FGF14: variants seen among roughly 807,000 people sequenced by gnomAD.
FGF14 encodes the protein fibroblast growth factor 14, also known as fibroblast growth factor homologous factor 4.
A neutral mutation model predicts 25.5 loss-of-function variants in FGF14; 5 were observed. The ratio of observed to expected loss-of-function variants is 0.20; its 90% CI spans 0.10 to 0.41. The LOEUF (loss-of-function observed/expected upper bound fraction) is 0.41, where lower values mean the gene tolerates loss of function less well. FGF14 is among the 10% of genes least tolerant of loss of function. The pLI is 1.00. For synonymous variants in FGF14, 138 were observed against 118.3 expected (o/e 1.17, Z -1.08); for missense variants, 222 against 320.1 (o/e 0.69, Z 2.34).
intron 3 of FGF14, among the ~76,000 whole-genome samples, chr13:101,776,950 G>A (rs146205878): frequency 2.6e-5 from 4 of 152,084 alleles, no homozygotes; most frequent in Non-Finnish European, 5.9e-5. Context: ...TGTCTCTCAG[G>A]CCTTTTTTAA....
chr13:101,749,650 TA>T (rs1041319554), intron 3 of FGF14, among the ~76,000 whole-genome samples: 2 of 152,166 alleles, frequency 1.3e-5, no homozygotes, highest in African/African-American at 4.8e-5. Flanking sequence ...TTTGTCTATA[TA>T]AATCTATATA....
chr13:101,826,829 A>C (rs539185664), intron 3 of FGF14, among the ~76,000 whole-genome samples: 1 of 152,088 alleles, frequency 6.6e-6, no homozygotes, highest in South Asian at 2.1e-4. Flanking sequence ...ATGTATTGAG[A>C]ATTGAATTGA....
chr13:101,925,013 C>A (rs906864179), intron 1 of FGF14, among the ~76,000 whole-genome samples: 1 of 152,076 alleles, frequency 6.6e-6, no homozygotes, highest in Admixed American at 6.5e-5. Context: ...CCAGGGTTCA[C>A]AATTTTTATT....
rs144789402 is a variant in FGF14, at chr13:101,933,688, C to T, written c.209-58392G>A. Reference sequence around the variant, plus strand: ...GCAGTCAGCCAAGATCGCACCACTGCGATCCAGCCTGGACAACAGAGTGAG... The same window carrying T: ...GCAGTCAGCCAAGATCGCACCACTGTGATCCAGCCTGGACAACAGAGTGAG... On this transcript the variant is annotated intron_variant, in intron 1 of 4. Transcript: ENST00000376131. Among the ~76,000 whole-genome samples, 51 of 152,258 alleles carry T rather than the reference C, an allele frequency of 3.3e-4. No homozygotes were observed. In the East Asian group the frequency reaches 9.5e-3, roughly 28 times the overall value.
At chr13:102,259,324 C>T (rs1192874316) in intron 1 of FGF14, among the ~76,000 whole-genome samples, 9 of 152,162 alleles carry the variant, frequency 5.9e-5, no homozygotes, top group Non-Finnish European at 1.3e-4. Flanking sequence ...GTGAGCACAT[C>T]CCCACCCCCT....
chr13:102,140,584 G>C (rs1208418754), intron 1 of FGF14, among the ~76,000 whole-genome samples: 1 of 152,092 alleles, frequency 6.6e-6, no homozygotes, highest in Non-Finnish European at 1.5e-5. Flanking sequence ...TGCTGATAAG[G>C]GGAGTGAGAA....
At chr13:101,926,778 AT>A (rs1300324818) in intron 1 of FGF14, among the ~76,000 whole-genome samples, 1 of 152,110 alleles carries the variant, frequency 6.6e-6, no homozygotes, top group Non-Finnish European at 1.5e-5. Context: ...TTCCACTTTC[AT>A]TTTTATATAG....
intron 1 of FGF14, among the ~76,000 whole-genome samples, chr13:102,236,350 G>A (rs756038485): frequency 2.0e-5 from 3 of 152,140 alleles, no homozygotes; most frequent in Non-Finnish European, 4.4e-5. Flanking sequence ...ATTAAGAATG[G>A]CCTAAAATTA....
chr13:102,077,380 A>G (rs954570316), intron 1 of FGF14, among the ~76,000 whole-genome samples: 1 of 152,180 alleles, frequency 6.6e-6, no homozygotes, highest in Non-Finnish European at 1.5e-5. Flanking sequence ...GGGAGAAGAT[A>G]TATGTAAATG....
At chr13:102,048,602 A>T (rs1220852345) in intron 1 of FGF14, among the ~76,000 whole-genome samples, 1 of 152,122 alleles carries the variant, frequency 6.6e-6, no homozygotes, top group African/African-American at 2.4e-5. Flanking sequence ...TCCTCATCCT[A>T]TCTGGGCAAT....
intron 1 of FGF14, among the ~76,000 whole-genome samples, chr13:101,950,949 C>G (rs114370325): frequency 0.016 from 2,496 of 152,148 alleles, 79 homozygotes; most frequent in African/African-American, 0.057. Context: ...CTCCAAAGAG[C>G]AGGTAGGTTT....
intron 3 of FGF14, among the ~76,000 whole-genome samples, chr13:101,864,851 T>G (rs1336935713): frequency 6.6e-6 from 1 of 152,072 alleles, no homozygotes; most frequent in Non-Finnish European, 1.5e-5. Context: ...CTCTATGCAT[T>G]TTATGTAAGA....
At chr13:102,128,193 G>A (rs2046030738) in intron 1 of FGF14, among the ~76,000 whole-genome samples, 1 of 152,160 alleles carries the variant, frequency 6.6e-6, no homozygotes, top group African/African-American at 2.4e-5. Context: ...TAAAAAAGAT[G>A]ATGATAGAAG....
chr13:102,397,276 T>C (rs1279587516), intron 1 of FGF14, among the ~76,000 whole-genome samples: 1 of 152,206 alleles, frequency 6.6e-6, no homozygotes, highest in Non-Finnish European at 1.5e-5. Context: ...ACCAGGTGTT[T>C]TGGCACCTAA....
chr13:102,343,258 GTGGCTTGAAAGAACTGTGA>G (rs2057006833), intron 1 of FGF14, among the ~76,000 whole-genome samples: 1 of 152,174 alleles, frequency 6.6e-6, no homozygotes, highest in South Asian at 2.1e-4. Context: ...ATTGTTAAGA[GTGGCTTGAAAGAACTGTGA>G]TGTAAAGGCA....
At chr13:102,122,313 G>C (rs1458559409) in intron 1 of FGF14, among the ~76,000 whole-genome samples, 1 of 152,094 alleles carries the variant, frequency 6.6e-6, no homozygotes, top group African/African-American at 2.4e-5. Context: ...CCAAAGGCTC[G>C]TCAAACTGGA....
chr13:101,867,766 T>C (rs557736987), intron 3 of FGF14, among the ~76,000 whole-genome samples: 1 of 152,162 alleles, frequency 6.6e-6, no homozygotes, highest in African/African-American at 2.4e-5. Flanking sequence ...CCAGCACTTT[T>C]GAGCTCAGCA....
chr13:101,780,998 CAT>C (rs1344821057), intron 3 of FGF14, among the ~76,000 whole-genome samples: 1 of 152,120 alleles, frequency 6.6e-6, no homozygotes, highest in East Asian at 1.9e-4. Context: ...ATCAGCCACA[CAT>C]GTCCATCTTC....
intron 1 of FGF14, among the ~76,000 whole-genome samples, chr13:102,100,871 G>C (rs1232348890): frequency 6.6e-6 from 1 of 152,158 alleles, no homozygotes; most frequent in Non-Finnish European, 1.5e-5. Context: ...AGGCTGAGAC[G>C]GGCAGATCAC....
Sources: gnomAD v4.1 joint callset for allele counts (sites outside exome capture counted in the v4.1 genomes callset) on GRCh38, gnomAD v4.1.1 for gene constraint, MANE v1.5 for transcripts, NCBI Gene and HGNC (gene_info 2026-07-23, HGNC 2026-07-21) for gene names.